Variants in CDH13 observed in about 807,000 individuals in gnomAD.
The protein encoded by CDH13 is cadherin-13.
Under a neutral mutation model 63.8 loss-of-function variants are expected in CDH13, and 24 were observed. The observed-to-expected ratio is 0.38, with a 90% confidence interval of 0.27 to 0.53. CDH13 has a LOEUF of 0.53. Among genes scored for constraint, CDH13 ranks in the 20% least tolerant of loss-of-function variants. The pLI, the probability that CDH13 is intolerant of heterozygous loss-of-function variation, is 0.85. For missense variants in CDH13, 1,049 were observed against 903.1 expected (o/e 1.16, Z -2.07); for synonymous variants, 503 against 355.3 (o/e 1.42, Z -4.67).
chr16:82,889,148 A>C (rs1461575385), intron 2 of CDH13, among the ~76,000 whole-genome samples: 1 of 152,218 alleles, frequency 6.6e-6, no homozygotes, highest in East Asian at 1.9e-4. Flanking sequence ...ATTCTCACAG[A>C]AAGTATTCTT....
At chr16:82,959,508 C>G (rs538025477) in intron 2 of CDH13, among the ~76,000 whole-genome samples, 1 of 152,294 alleles carries the variant, frequency 6.6e-6, no homozygotes, top group South Asian at 2.1e-4. Flanking sequence ...TAGAGGCTCA[C>G]AGCCCCTTCC....
chr16:83,548,522 G>T (rs930105961), intron 7 of CDH13, among the ~76,000 whole-genome samples: 3 of 152,170 alleles, frequency 2.0e-5, no homozygotes, highest in African/African-American at 7.2e-5. Flanking sequence ...AGTGTCAGAG[G>T]TGATCTTTGG....
At chr16:83,561,606 A>G (rs369447391) in intron 7 of CDH13, among the ~76,000 whole-genome samples, 1 of 152,214 alleles carries the variant, frequency 6.6e-6, no homozygotes, top group East Asian at 1.9e-4. Flanking sequence ...TAAGCACTTT[A>G]CAGGTTAAAT....
chr16:82,866,148 C>T (rs368462111), intron 2 of CDH13, among the ~76,000 whole-genome samples: 13 of 152,078 alleles, frequency 8.5e-5, no homozygotes, highest in East Asian at 1.9e-4. Context: ...TGGACTTCAT[C>T]GTACATATTA....
At position 83,068,217 on chromosome 16, in the gene CDH13, C is replaced by T. The variant is rs1435750382; in HGVS notation, c.366+35999C>T. Among the ~76,000 whole-genome samples, 7 of 152,284 alleles carry T rather than the reference C, an allele frequency of 4.6e-5. No homozygotes were observed. In the East Asian group the frequency reaches 9.6e-4, roughly 21 times the overall value. Reference sequence around the variant, plus strand: ...ATATTTCTATACATTTTCTTAAGTGCCAGACATCATTCTAATCATTTTATA... The same window carrying T: ...ATATTTCTATACATTTTCTTAAGTGTCAGACATCATTCTAATCATTTTATA... On this transcript the variant is annotated intron_variant, in intron 3 of 13. Transcript: ENST00000567109.
At chr16:83,037,873 A>G (rs1917004246) in intron 3 of CDH13, among the ~76,000 whole-genome samples, 1 of 152,200 alleles carries the variant, frequency 6.6e-6, no homozygotes, top group Admixed American at 6.5e-5. Context: ...AGTCTGTGTC[A>G]CAGAGTTGTT....
chr16:83,154,424 A>C (rs1468188088), intron 4 of CDH13, among the ~76,000 whole-genome samples: 1 of 151,962 alleles, frequency 6.6e-6, no homozygotes. Flanking sequence ...AAAATTAGCA[A>C]GGTGTGGTGG....
intron 2 of CDH13, among the ~76,000 whole-genome samples, chr16:82,880,551 G>C (rs1567625739): frequency 6.6e-6 from 1 of 152,152 alleles, no homozygotes; most frequent in Non-Finnish European, 1.5e-5. Context: ...ACCTTTGCCA[G>C]GTCCATCCTG....
chr16:83,690,558 G>A (rs531288625), intron 10 of CDH13, among the ~76,000 whole-genome samples: 1 of 152,270 alleles, frequency 6.6e-6, no homozygotes, highest in South Asian at 2.1e-4. Flanking sequence ...TGTTAAGCAT[G>A]CTAGTGGGAT....
rs186820843 is a variant in CDH13, at chr16:83,113,720, G to T, written c.367-11665G>T. Among the ~76,000 whole-genome samples the T allele has an allele frequency of 2.4e-4, 36 of 152,250 alleles. No homozygotes were observed. The East Asian group carries it at 6.4e-3, about 27-fold the overall frequency. The stretch of plus-strand genomic sequence containing the variant: ...AGTGGAGAGTAGAAGGATGGGTGGG[G>T]GGTTAACCAGGCACAAGAGGGGAGG... On this transcript the variant is annotated intron_variant, in intron 3 of 13. Coordinates refer to ENST00000567109, the MANE Select transcript of CDH13 (RefSeq NM_001257.5).
At position 83,394,939 on chromosome 16, in the gene CDH13, G is replaced by C. The variant is rs543103778; in HGVS notation, c.781+49933G>C. Among the ~76,000 whole-genome samples the C allele has an allele frequency of 2.6e-5, 4 of 152,210 alleles. No homozygotes were observed. The East Asian group carries it at 7.7e-4, about 29-fold the overall frequency. On this transcript the variant is annotated intron_variant, in intron 6 of 13. Coordinates refer to ENST00000567109, the MANE Select transcript of CDH13 (RefSeq NM_001257.5). ...AAGACAGGCGGATCACCTGTGGTCA[G>C]GTGTTTGAAACCAGCCTGGCCAACA... is the stretch of plus-strand genomic sequence containing the variant.
rs554419143 is a variant in CDH13 at position 83,569,773 on chromosome 16, G to T, written c.961-32681G>T. On this transcript the variant is annotated intron_variant, in intron 7 of 13. Transcript: ENST00000567109. ...TTTGTTTGAGATGGAGTCTCACTCTGTCTCCCAGGCTGGAGTGCAGTGGTA... is the reference window on the plus strand; with the variant it reads ...TTTGTTTGAGATGGAGTCTCACTCTTTCTCCCAGGCTGGAGTGCAGTGGTA... Among the ~76,000 whole-genome samples, 5 of 152,266 alleles carry T rather than the reference G, an allele frequency of 3.3e-5. No homozygotes were observed. The South Asian group carries it at 1.0e-3, about 32-fold the overall frequency.
intron 13 of CDH13, among the ~76,000 whole-genome samples, chr16:83,790,904 C>T (rs1916220100): frequency 6.6e-6 from 1 of 152,190 alleles, no homozygotes. Flanking sequence ...GCTTAATTAA[C>T]CAGTATTAGC....
intron 10 of CDH13, among the ~76,000 whole-genome samples, chr16:83,687,456 C>T (rs1285187987): frequency 2.0e-5 from 3 of 152,120 alleles, no homozygotes; most frequent in Admixed American, 6.5e-5. Context: ...AGGTGCTACA[C>T]ACTTTTAAAC....
chr16:82,972,565 G>C (rs1055539206), intron 2 of CDH13, among the ~76,000 whole-genome samples: 3 of 152,188 alleles, frequency 2.0e-5, no homozygotes, highest in Admixed American at 2.0e-4. Context: ...GCAAAGTGCA[G>C]TAGTAACAGC....
chr16:83,507,787 C>T (rs118101140), intron 7 of CDH13, among the ~76,000 whole-genome samples: 10,960 of 151,944 alleles, frequency 0.072, 457 homozygotes, highest in African/African-American at 0.11. Flanking sequence ...GTAATCCCAG[C>T]ACTCTGGAAG....
intron 1 of CDH13, among the ~76,000 whole-genome samples, chr16:82,816,840 C>T (rs542422667): frequency 1.3e-5 from 2 of 151,914 alleles, no homozygotes; most frequent in Admixed American, 1.3e-4. Context: ...CTCATCATCT[C>T]ATCTCTGCAC....
At chr16:82,931,183 CT>C (rs944581293) in intron 2 of CDH13, among the ~76,000 whole-genome samples, 6 of 152,210 alleles carry the variant, frequency 3.9e-5, no homozygotes, top group Admixed American at 1.3e-4. Context: ...TTTGATTTCC[CT>C]CTCTCGTGTC....
rs550787767 is a variant in CDH13, at chr16:83,037,554, A to G, written c.366+5336A>G. On this transcript the variant is annotated intron_variant, in intron 3 of 13. Transcript: ENST00000567109. Reference sequence around the variant, plus strand: ...GATGATTCCAGATTGTCTAGCCTGGAGGATGGAGATGAATTGGACCAGTCA... The same window carrying G: ...GATGATTCCAGATTGTCTAGCCTGGGGGATGGAGATGAATTGGACCAGTCA... Among the ~76,000 whole-genome samples, 6 of 152,288 alleles carry G rather than the reference A, an allele frequency of 3.9e-5. No homozygotes were observed. In the South Asian group the frequency reaches 1.2e-3, roughly 32 times the overall value.
Sources: allele counts gnomAD v4.1 joint callset (sites outside exome capture counted in the v4.1 genomes callset), GRCh38; gene constraint gnomAD v4.1.1; transcripts MANE v1.5; gene names NCBI Gene and HGNC (gene_info 2026-07-23, HGNC 2026-07-21).